TMT1A: variants seen among roughly 807,000 people sequenced by gnomAD.
The protein encoded by TMT1A is thiol S-methyltransferase TMT1A.
At chr12:50,925,193 C>T in the TMT1A span, 8 of 1,614,050 alleles carry the variant, frequency 5.0e-6, no homozygotes, top group Non-Finnish European at 6.8e-6. Context: ...GAACAGATGG[C>T]AAGCAAGAAG....
chr12:50,929,782 C>T, the TMT1A span: 3 of 746,124 alleles, frequency 4.0e-6, no homozygotes, highest in East Asian at 2.6e-5. Context: ...GTGGAGTGAC[C>T]CTCCTGCTCA....
the TMT1A span, chr12:50,930,245 T>TG: frequency 3.9e-6 from 4 of 1,037,008 alleles, no homozygotes; most frequent in Middle Eastern, 3.2e-4. Context: ...ACCTTTTTTT[T>TG]GGGGGGCGGT....
the TMT1A span, chr12:50,932,100 G>A: frequency 6.6e-6 from 1 of 152,092 alleles, no homozygotes; most frequent in Non-Finnish European, 1.5e-5. Flanking sequence ...GGTGGTTAAG[G>A]TTCTTGGGTT....
At chr12:50,929,554 A>G in the TMT1A span, among the ~76,000 whole-genome samples, 25 of 152,238 alleles carry the variant, frequency 1.6e-4, no homozygotes, top group Admixed American at 1.6e-3. Flanking sequence ...AACATTTATA[A>G]AACTCCTCAA....
At chr12:50,925,502 G>T in the TMT1A span, 1 of 1,613,924 alleles carries the variant, frequency 6.2e-7, no homozygotes, top group Admixed American at 1.7e-5. Flanking sequence ...AACCAGGAGC[G>T]GATTCTCCGC....
At chr12:50,931,333 GAATT>G in the TMT1A span, 2 of 151,930 alleles carry the variant, frequency 1.3e-5, no homozygotes, top group Non-Finnish European at 2.9e-5. Flanking sequence ...TTTATTGATT[GAATT>G]AAGAAATACT....
the TMT1A span, among the ~76,000 whole-genome samples, chr12:50,928,959 C>T: frequency 9.2e-5 from 14 of 151,904 alleles, no homozygotes; most frequent in South Asian, 2.1e-4. Context: ...AAATCAGGGC[C>T]GGGCACGGTA....
At chr12:50,928,996 G>T in the TMT1A span, among the ~76,000 whole-genome samples, 1 of 152,138 alleles carries the variant, frequency 6.6e-6, no homozygotes, top group African/African-American at 2.4e-5. Context: ...CCAGCACTTT[G>T]GGAGGCCTAG....
At chr12:50,927,488 T>G in the TMT1A span, among the ~76,000 whole-genome samples, 1 of 152,228 alleles carries the variant, frequency 6.6e-6, no homozygotes, top group African/African-American at 2.4e-5. Flanking sequence ...ATGCTAAGAC[T>G]GGGCACCAAC....
At chr12:50,925,116 C>T in the TMT1A span, 11 of 1,614,024 alleles carry the variant, frequency 6.8e-6, no homozygotes, top group African/African-American at 1.3e-5. Context: ...ACTTTCTGGG[C>T]TTGTGGAGCT....
chr12:50,927,165 C>T, the TMT1A span, among the ~76,000 whole-genome samples: 1 of 152,038 alleles, frequency 6.6e-6, no homozygotes, highest in Non-Finnish European at 1.5e-5. Flanking sequence ...GCAGCTGGGA[C>T]TACAGGCATG....
At chr12:50,925,619 C>T in the TMT1A span, 1 of 1,424,046 alleles carries the variant, frequency 7.0e-7, no homozygotes. Flanking sequence ...GTGGCTGAAA[C>T]ATTTTAACAT....
At chr12:50,929,734 T>G in the TMT1A span, among the ~76,000 whole-genome samples, 47 of 152,326 alleles carry the variant, frequency 3.1e-4, no homozygotes, top group African/African-American at 9.9e-4. Context: ...GCACAAAAAT[T>G]TAAAACATGG....
the TMT1A span, chr12:50,929,957 C>T: frequency 6.2e-7 from 1 of 1,613,662 alleles, no homozygotes; most frequent in Non-Finnish European, 8.5e-7. Flanking sequence ...GCTGAGTGTT[C>T]GACTTGGAAT....
At chr12:50,932,019 T>C in the TMT1A span, 1 of 152,218 alleles carries the variant, frequency 6.6e-6, no homozygotes, top group African/African-American at 2.4e-5. Context: ...TTTGTTTTCC[T>C]GCATTCCAGT....
the TMT1A span, chr12:50,929,889 GTT>G: frequency 8.1e-7 from 1 of 1,240,736 alleles, no homozygotes; most frequent in Non-Finnish European, 1.1e-6. Flanking sequence ...TCCTTGAAAT[GTT>G]TTTTTTTTTC....
At chr12:50,925,144 T>C in the TMT1A span, 1 of 1,614,026 alleles carries the variant, frequency 6.2e-7, no homozygotes, top group African/African-American at 1.3e-5. Context: ...CAAAAAATGG[T>C]TCCCCTACTT....
the TMT1A span, chr12:50,930,371 G>A: frequency 6.5e-5 from 23 of 354,064 alleles, no homozygotes; most frequent in East Asian, 2.0e-4. Context: ...CCTCCACCTC[G>A]CGGGTTTAAG....
the TMT1A span, chr12:50,925,672 T>C: frequency 1.2e-5 from 13 of 1,070,296 alleles, no homozygotes; most frequent in Non-Finnish European, 1.7e-5. Flanking sequence ...TTTTTAAAAT[T>C]TTAGCGTGGG....
Sources: allele counts gnomAD v4.1 joint callset (sites outside exome capture counted in the v4.1 genomes callset), GRCh38; gene constraint gnomAD v4.1.1; transcripts MANE v1.5; gene names NCBI Gene and HGNC (gene_info 2026-07-23, HGNC 2026-07-21).